The following DENND10 variants were observed in gnomAD, a reference collection of about 807,000 sequenced individuals.
DENND10 encodes the protein DENN domain containing 10.
Under a neutral mutation model 43.6 loss-of-function variants are expected in DENND10, and 24 were observed. The observed-to-expected ratio is 0.55, with a 90% CI of 0.40 to 0.77. The LOEUF (loss-of-function observed/expected upper bound fraction) is 0.77. DENND10 is among the 30% of genes least tolerant of loss of function. DENND10 has a pLI of 0.00. For missense variants in DENND10, 303 were observed against 429.9 expected (o/e 0.70, Z 2.61); for synonymous variants, 125 against 157.6 (o/e 0.79, Z 1.55).
Position 119,117,539 on chromosome 10 carries a change from G to T in DENND10, c.353G>T (p.Ser118Ile). Residue 118 changes from serine to isoleucine, a missense_variant, in exon 4 of 9, where the codon AGC becomes ATC. By Grantham distance (142) the Ser-to-Ile change is moderately radical (BLOSUM62 -2). Transcript: ENST00000361432. ...ILCRMYLKHG[S>I]PVKMMESYIA... ...TACAGAATGTACCTGAAACATGGGA[G>T]CCCAGTTAAAATGATGGAGAGTTAT... 2 of 1,613,062 alleles carry T rather than the reference G, an allele frequency of 1.2e-6. No individual in the cohort carries two copies. Among genetic ancestry groups the T allele is most frequent in the Non-Finnish European group, 1.7e-6 (2 of 1,179,532 alleles).
intron 6 of DENND10, among the ~76,000 whole-genome samples, chr10:119,127,779 C>T (rs905606698): frequency 1.3e-5 from 2 of 152,016 alleles, no homozygotes; most frequent in Non-Finnish European, 2.9e-5. Flanking sequence ...TGAGCCACTG[C>T]GCCTGGCCAC....
intron 1 of DENND10, among the ~76,000 whole-genome samples, chr10:119,107,461 T>C (rs1036369829): frequency 1.8e-4 from 27 of 151,546 alleles, no homozygotes; most frequent in Non-Finnish European, 3.7e-4. Flanking sequence ...TAGAGTGCAG[T>C]GGCGTGATCT....
chr10:119,116,579 A>G (rs1360820310), intron 3 of DENND10, among the ~76,000 whole-genome samples: 1 of 152,166 alleles, frequency 6.6e-6, no homozygotes, highest in African/African-American at 2.4e-5. Context: ...GCCTTAGTAC[A>G]ACAAGGGGCT....
chr10:119,124,703 T>C (rs1199093592), intron 6 of DENND10, among the ~76,000 whole-genome samples: 2 of 152,048 alleles, frequency 1.3e-5, no homozygotes, highest in Non-Finnish European at 2.9e-5. Flanking sequence ...TTTTTAACCA[T>C]TGGTAAACAT....
intron 3 of DENND10, among the ~76,000 whole-genome samples, chr10:119,115,459 C>T (rs1283431176): frequency 1.0e-5 from 1 of 96,328 alleles, no homozygotes; most frequent in Non-Finnish European, 2.0e-5. Context: ...GGGATCTCGG[C>T]TCACTGCAAG....
intron 7 of DENND10, among the ~76,000 whole-genome samples, chr10:119,130,013 C>CT (rs199747044): frequency 0.044 from 6,453 of 146,556 alleles, 150 homozygotes; most frequent in African/African-American, 0.066. Context: ...TTTTCTTCTT[C>CT]TTTTTTTTTT....
chr10:119,130,405 G>T (rs536645178), intron 7 of DENND10, among the ~76,000 whole-genome samples: 2 of 152,118 alleles, frequency 1.3e-5, no homozygotes, highest in African/African-American at 4.8e-5. Flanking sequence ...TGATCTGCCT[G>T]TCTTGGCCTC....
chr10:119,117,585 G>C lies in DENND10; in HGVS notation c.399G>C (p.Gly133=), dbSNP rs747751815. ...MESYIAVLTK[G]ICQSEENGSF... ...GTTATATTGCAGTTCTCACAAAGGG[G>C]ATATGCCAGAGTGAAGAAAACGGCT... Residue 133 remains glycine, a synonymous_variant, in exon 4 of 9, where the codon GGG becomes GGC. Coordinates refer to ENST00000361432, the MANE Select transcript of DENND10 (RefSeq NM_207009.4). The C allele has an allele frequency of 4.3e-6, 7 of 1,613,632 alleles. No homozygotes were observed. The highest frequency in any genetic ancestry group is 5.1e-6 in the Non-Finnish European group (6 of 1,179,776).
chr10:119,121,846 T>G (rs1461730853), intron 5 of DENND10, among the ~76,000 whole-genome samples: 1 of 152,164 alleles, frequency 6.6e-6, no homozygotes, highest in African/African-American at 2.4e-5. Flanking sequence ...TTAAATTTAC[T>G]CATAACAAGA....
chr10:119,136,033 C>T (rs1846339590), intron 8 of DENND10, among the ~76,000 whole-genome samples: 1 of 151,924 alleles, frequency 6.6e-6, no homozygotes, highest in Non-Finnish European at 1.5e-5. Context: ...TAAAAATTAG[C>T]TGGGTGTGGT....
chr10:119,110,729 A>G (rs1844935527), intron 2 of DENND10, among the ~76,000 whole-genome samples: 1 of 152,130 alleles, frequency 6.6e-6, no homozygotes, highest in Non-Finnish European at 1.5e-5. Flanking sequence ...TGCTGGGATT[A>G]CAGATGTGAG....
At chr10:119,106,297 GTAATGGGA>G (rs1844694799) in intron 1 of DENND10, among the ~76,000 whole-genome samples, 1 of 152,166 alleles carries the variant, frequency 6.6e-6, no homozygotes, top group South Asian at 2.1e-4. Context: ...CAGATACCCA[GTAATGGGA>G]TTACTGGGTG....
intron 3 of DENND10, chr10:119,114,450 A>C (rs1221628397): frequency 1.3e-5 from 2 of 152,188 alleles, no homozygotes; most frequent in Non-Finnish European, 2.9e-5. Flanking sequence ...GCAGGAGGGA[A>C]CCTCATTCCC....
Position 119,107,083 on chromosome 10 carries a change from G to A in DENND10, c.56-885G>A, listed in dbSNP as rs186916744. Among the ~76,000 whole-genome samples the A allele has an allele frequency of 1.8e-3, 273 of 152,136 alleles. 2 individuals carry two copies. The highest frequency in any genetic ancestry group is 6.2e-3 in the African/African-American group (259 of 41,510). On this transcript the variant is annotated intron_variant, in intron 1 of 8. Transcript: ENST00000361432. ...ATTCCGCCCAGCACTTTGGGAGGCC[G>A]AGGCGGGCAGATCACCTGAGGTCAG...
Position 119,120,329 on chromosome 10 carries a change from T to C in DENND10, c.482-12T>C, listed in dbSNP as rs552500096. 1 of 1,513,490 alleles carries C rather than the reference T, an allele frequency of 6.6e-7. No individual in the cohort carries two copies. Among genetic ancestry groups the C allele is most frequent in the East Asian group, 2.3e-5 (1 of 44,430 alleles). The allele number at this position is 1,513,490 out of a possible 1,614,324, so 93.8% of individuals were successfully genotyped here. ...TGTAATGCAGTAACATTACAATTTC[T>C]CTTTTTTGAAGACATTGTATCTCAG... On this transcript the variant is annotated splice_polypyrimidine_tract_variant and intron_variant, in intron 4 of 8. Transcript: ENST00000361432.
intron 6 of DENND10, among the ~76,000 whole-genome samples, chr10:119,123,971 C>T (rs1845709549): frequency 6.6e-6 from 1 of 150,494 alleles, no homozygotes; most frequent in Admixed American, 6.7e-5. Flanking sequence ...GTGGGCAGAT[C>T]ACCTGAGGTC....
chr10:119,124,651 T>A lies in DENND10; in HGVS notation c.694+1082T>A, dbSNP rs916479725. Among the ~76,000 whole-genome samples the A allele has an allele frequency of 3.3e-5, 5 of 152,248 alleles. No individual in the cohort carries two copies. In the East Asian group the frequency reaches 9.7e-4, roughly 30 times the overall value. ...TGCCCATCTTGGCCTCCCACACTGT[T>A]GGGATTACAGGTGTCAGCTGCTACG... On this transcript the variant is annotated intron_variant, in intron 6 of 8. Transcript: ENST00000361432.
intron 3 of DENND10, 95 bp from the exon 4 acceptor site, chr10:119,117,424 G>A: frequency 3.0e-6 from 4 of 1,338,292 alleles, no homozygotes; most frequent in Non-Finnish European, 3.1e-6. Flanking sequence ...GGTGGCCTCG[G>A]ATTCTTGAGA....
chr10:119,104,273 G>C, intron 1 of DENND10, 76 bp downstream of exon 1: 10 of 1,373,826 alleles, frequency 7.3e-6, no homozygotes, highest in African/African-American at 1.5e-5. Context: ...GGGGCAGCCC[G>C]GGCTCCCGCG....
Sources: gnomAD v4.1 joint callset for allele counts (sites outside exome capture counted in the v4.1 genomes callset) on GRCh38, gnomAD v4.1.1 for gene constraint, MANE v1.5 for transcripts, NCBI Gene and HGNC (gene_info 2026-07-23, HGNC 2026-07-21) for gene names.